The following SLC22A8 variants were observed in gnomAD, a reference collection of about 807,000 sequenced individuals.
SLC22A8 encodes solute carrier family 22 member 8, also known as organic anion transporter 3.
SLC22A8 carries 40 observed loss-of-function variants against 48.4 expected under a neutral mutation model. The ratio of observed to expected loss-of-function variants is 0.83; its 90% CI spans 0.64 to 1.08. The LOEUF (loss-of-function observed/expected upper bound fraction) is 1.08. Among genes scored for constraint, SLC22A8 ranks in the 50% least tolerant of loss-of-function variants. The pLI is 0.00. For missense variants in SLC22A8, 606 were observed against 699.0 expected, an observed-to-expected ratio of 0.87 and a Z score of 1.50; for synonymous variants, 268 against 286.3, an observed-to-expected ratio of 0.94 and a Z score of 0.65.
chr11:62,995,421 G>C (rs1456772197), intron 7 of SLC22A8: 2 of 492,532 alleles, frequency 4.1e-6, no homozygotes, highest in African/African-American at 3.9e-5. Flanking sequence ...GGGACACTGA[G>C]CGGCAGGGAT....
intron 2 of SLC22A8, among the ~76,000 whole-genome samples, chr11:63,002,545 C>G (rs1944044): frequency 0.22 from 34,013 of 152,008 alleles, 4,431 homozygotes; most frequent in South Asian, 0.45. Context: ...CCCCTTCCCC[C>G]CGAGCTTTTG....
intron 8 of SLC22A8, 162 bp from the exon 9 acceptor site, chr11:62,994,040 G>A (rs2086378503): frequency 3.2e-6 from 2 of 615,782 alleles, no homozygotes; most frequent in South Asian, 2.0e-5. Flanking sequence ...TGCTATGTTT[G>A]TGTTTTCCCC....
At chr11:63,003,771 A>G (rs757485747) in intron 2 of SLC22A8, among the ~76,000 whole-genome samples, 3 of 152,148 alleles carry the variant, frequency 2.0e-5, no homozygotes, top group Non-Finnish European at 4.4e-5. Flanking sequence ...CTGGACTTGC[A>G]TGCTTTCTTC....
At chr11:63,006,058 G>C (rs924019667) in intron 2 of SLC22A8, among the ~76,000 whole-genome samples, 2 of 152,204 alleles carry the variant, frequency 1.3e-5, no homozygotes, top group Non-Finnish European at 2.9e-5. Context: ...TTCTGGGAGA[G>C]AGGAAGGTAT....
intron 2 of SLC22A8, among the ~76,000 whole-genome samples, chr11:63,012,384 A>G (rs2135147134): frequency 6.6e-6 from 1 of 151,778 alleles, no homozygotes; most frequent in East Asian, 1.9e-4. Flanking sequence ...CTCACCTCCC[A>G]AAGTGCTGGG....
rs1464934944 is a variant in SLC22A8 at position 62,996,219 on chromosome 11, A to G, written c.762-67T>C. The G allele has an allele frequency of 1.6e-5, 24 of 1,492,234 alleles. No homozygotes were observed. The Middle Eastern group carries it at 9.0e-4, about 56-fold the overall frequency. 92.4% of individuals were successfully genotyped at this position (1,492,234 alleles called of 1,614,324 possible). ...GAGCCCCTTTTGAGAGGCTGGAAGA[A>G]CATCAACAGCCAGGGCCAAGGGGTA... On this transcript the variant is annotated intron_variant, in intron 5 of 10. Transcript: ENST00000336232.
chr11:63,010,935 C>T (rs939774605), intron 2 of SLC22A8, among the ~76,000 whole-genome samples: 6 of 152,284 alleles, frequency 3.9e-5, no homozygotes, highest in African/African-American at 9.6e-5. Context: ...ACATCCCTCC[C>T]GTCTGTCTCT....
At chr11:62,998,785 C>G (rs1228983176) in intron 5 of SLC22A8, 136 bp downstream of exon 5, 2 of 686,608 alleles carry the variant, frequency 2.9e-6, no homozygotes, top group African/African-American at 3.6e-5. Context: ...GTAGTTCCTC[C>G]TCCCTGGAGT....
In SLC22A8 at chr11:62,998,910, G is replaced by C; in HGVS notation, c.761+11C>G. ...CCTAAGGAAACAGATGAAGAGGAGA[G>C]GGCCACATACCAGGATGATAGGAAG... is the stretch of plus-strand genomic sequence containing the variant. On this transcript the variant is annotated intron_variant, in intron 5 of 10. Coordinates refer to ENST00000336232, the MANE Select transcript of SLC22A8 (RefSeq NM_004254.4). 6.3e-7 allele frequency: 1 copy of C among 1,596,754 alleles called. No homozygotes were observed. The highest frequency in any genetic ancestry group is 8.6e-7 in the Non-Finnish European group (1 of 1,166,614).
At chr11:63,014,231 A>C (rs1424978134) in intron 2 of SLC22A8, among the ~76,000 whole-genome samples, 1 of 151,974 alleles carries the variant, frequency 6.6e-6, no homozygotes, top group Non-Finnish European at 1.5e-5. Flanking sequence ...TCTCACACCC[A>C]CCCCAGAGGT....
intron 5 of SLC22A8, among the ~76,000 whole-genome samples, chr11:62,997,014 C>T (rs536352794): frequency 1.3e-5 from 2 of 152,286 alleles, no homozygotes; most frequent in South Asian, 4.1e-4. Context: ...CCCATCACTC[C>T]TCCTGCCCTG....
chr11:63,011,843 CA>C (rs2086622562), intron 2 of SLC22A8, among the ~76,000 whole-genome samples: 2 of 152,164 alleles, frequency 1.3e-5, no homozygotes, highest in African/African-American at 4.8e-5. Flanking sequence ...GCCCTTAGGA[CA>C]AAGGCCACAC....
At chr11:62,996,822 G>C (rs1427261889) in intron 5 of SLC22A8, among the ~76,000 whole-genome samples, 1 of 152,256 alleles carries the variant, frequency 6.6e-6, no homozygotes, top group Non-Finnish European at 1.5e-5. Flanking sequence ...CAGGATAAGA[G>C]GAAAGGAAGA....
chr11:62,999,038 C>T lies in SLC22A8; in HGVS notation c.644G>A (p.Gly215Glu). The T allele has an allele frequency of 6.2e-7, 1 of 1,614,150 alleles. No individual in the cohort carries two copies. Among genetic ancestry groups the T allele is most frequent in the Non-Finnish European group, 8.5e-7 (1 of 1,179,974 alleles). The change falls in exon 5 of 11, where the codon GGG (glycine) becomes GAG (glutamate). Residue 215 changes from glycine (G) to glutamate (E), a missense_variant. Transcript: ENST00000336232. ...GAACTGGCCAAAGGTGTAGCAGTAC[C>T]CGAGTGCTGTCGACATGATGGCCCG... Reference protein sequence around the residue: ...RMRAIMSTALGYCYTFGQFIL... With the variant: ...RMRAIMSTALEYCYTFGQFIL...
chr11:63,000,618 TC>T, intron 3 of SLC22A8, 101 bp downstream of exon 3: 2 of 697,062 alleles, frequency 2.9e-6, no homozygotes. Flanking sequence ...CATCCCACCC[TC>T]CCCCAGCTCT....
rs1402062009 is a variant in SLC22A8, at chr11:62,996,055, C to T, written c.859G>A (p.Glu287Lys). Reference sequence around the variant, plus strand: ...TCCAAGCTGAGCCTTTCTCCCTCTTCCTTCTTGCCATTGAAGACAGCCACC... The same window carrying T: ...TCCAAGCTGAGCCTTTCTCCCTCTTTCTTCTTGCCATTGAAGACAGCCACC... ...RRVAVFNGKK[E>K]EGERLSLEEL... Residue 287 changes from glutamate (E) to lysine (K), a missense_variant, in exon 6 of 11, where the codon GAA becomes AAA. By Grantham distance (56) the Glu-to-Lys change is moderately conservative (BLOSUM62 1). Transcript: ENST00000336232. The T allele has an allele frequency of 3.1e-6, 5 of 1,614,120 alleles. No individual in the cohort carries two copies. Among genetic ancestry groups the T allele is most frequent in the Non-Finnish European group, 4.2e-6 (5 of 1,180,012 alleles).
chr11:63,014,559 G>A, intron 2 of SLC22A8, 67 bp downstream of exon 2: 1 of 1,349,672 alleles, frequency 7.4e-7, no homozygotes, highest in Non-Finnish European at 1.0e-6. Flanking sequence ...CTCCTCTGCT[G>A]CCCACCAGCG....
chr11:63,007,220 C>G (rs1385343731), intron 2 of SLC22A8, among the ~76,000 whole-genome samples: 1 of 152,214 alleles, frequency 6.6e-6, no homozygotes, highest in African/African-American at 2.4e-5. Flanking sequence ...GTTGGTTGAA[C>G]AGAGCCAGTT....
chr11:62,999,556 G>A, intron 4 of SLC22A8, 132 bp downstream of exon 4: 2 of 646,668 alleles, frequency 3.1e-6, no homozygotes, highest in Non-Finnish European at 5.2e-6. Flanking sequence ...AGGCCTCTGA[G>A]GTCCTGAGAG....
Sources: gnomAD v4.1 joint callset for allele counts (sites outside exome capture counted in the v4.1 genomes callset) on GRCh38, gnomAD v4.1.1 for gene constraint, MANE v1.5 for transcripts, NCBI Gene and HGNC (gene_info 2026-07-23, HGNC 2026-07-21) for gene names.